Variants in RIMBP2 observed in about 807,000 individuals in gnomAD.
The protein encoded by RIMBP2 is RIMS-binding protein 2.
RIMBP2 carries 48 observed loss-of-function variants against 118.6 expected under a neutral mutation model. That is an observed-to-expected ratio of 0.40 (90% confidence interval 0.32 to 0.51). The LOEUF (loss-of-function observed/expected upper bound fraction) is 0.51. Among genes scored for constraint, RIMBP2 ranks in the 20% least tolerant of loss-of-function variants. RIMBP2 has a pLI of 0.41. For missense variants in RIMBP2, 1,551 were observed against 1,768.3 expected (o/e 0.88, Z 2.20); for synonymous variants, 762 against 742.9 (o/e 1.03, Z -0.42).
At position 130,480,177 on chromosome 12, in the gene RIMBP2, TTTCA is replaced by T. The variant is rs2081839279; in HGVS notation, c.-3-1165_-3-1162del. On this transcript the variant is annotated intron_variant, in intron 4 of 22. Coordinates refer to ENST00000690449, the MANE Select transcript of RIMBP2 (RefSeq NM_001393629.1). ...GAAAACCAGCTGCAAAATGCTAGAA[TTTCA>T]TTGTCATTTCCTTTCATACACACAC... is the stretch of plus-strand genomic sequence containing the variant. Among the ~76,000 whole-genome samples, 4 of 146,298 alleles carry T rather than the reference TTTCA, an allele frequency of 2.7e-5. No individual in the cohort carries two copies. In the Admixed American group the frequency reaches 2.8e-4, roughly 10 times the overall value.
At chr12:130,556,296 A>T (rs2056350824) in intron 2 of RIMBP2, among the ~76,000 whole-genome samples, 1 of 152,196 alleles carries the variant, frequency 6.6e-6, no homozygotes, top group African/African-American at 2.4e-5. Context: ...TGCATAGGAT[A>T]AATTCATATC....
chr12:130,578,362 T>C lies in RIMBP2; in HGVS notation c.-217+49960A>G, dbSNP rs2058233003. ...GGATGGCTGCTGCTCTGCCCTAGAA[T>C]CCAACATGGCTCCCAGCTGCCAGCA... On this transcript the variant is annotated intron_variant, in intron 2 of 22. Coordinates refer to ENST00000690449, the MANE Select transcript of RIMBP2 (RefSeq NM_001393629.1). The surrounding 1 kb of genome is among the most constrained non-coding windows in gnomAD (Gnocchi z 4.1). 6.6e-6 allele frequency among the ~76,000 whole-genome samples: 1 copy of C among 152,176 alleles called. No homozygotes were observed. Among genetic ancestry groups the C allele is most frequent in the Non-Finnish European group, 1.5e-5 (1 of 68,036 alleles).
intron 7 of RIMBP2, 76 bp downstream of exon 7, chr12:130,456,420 C>T: frequency 7.4e-7 from 1 of 1,349,394 alleles, no homozygotes; most frequent in Non-Finnish European, 1.0e-6. Context: ...ACCGATTTCA[C>T]CTGTGCACAC....
At chr12:130,705,689 T>C (rs1423953438) in intron 1 of RIMBP2, among the ~76,000 whole-genome samples, 13 of 152,242 alleles carry the variant, frequency 8.5e-5, no homozygotes, top group Admixed American at 7.8e-4. Flanking sequence ...ACACTGGGTA[T>C]GGCAGGAGTG....
At chr12:130,564,431 T>C (rs1339530334) in intron 2 of RIMBP2, among the ~76,000 whole-genome samples, 4 of 152,178 alleles carry the variant, frequency 2.6e-5, no homozygotes, top group Non-Finnish European at 5.9e-5. Context: ...TACAATTAAC[T>C]ATTTTAGAGT....
chr12:130,402,756 C>T (rs1347246822), intron 21 of RIMBP2, among the ~76,000 whole-genome samples: 2 of 152,076 alleles, frequency 1.3e-5, no homozygotes, highest in Non-Finnish European at 2.9e-5. Context: ...TCTCTGTGCC[C>T]CAGTCAGTGA....
At chr12:130,543,292 C>T (rs1450780457) in intron 2 of RIMBP2, among the ~76,000 whole-genome samples, 1 of 152,138 alleles carries the variant, frequency 6.6e-6, no homozygotes, top group Non-Finnish European at 1.5e-5. Flanking sequence ...TAGCCCTTGA[C>T]ATTTTTCATA....
chr12:130,403,398 T>C (rs7977580), intron 21 of RIMBP2, among the ~76,000 whole-genome samples: 143,438 of 152,256 alleles, frequency 0.94, 68,151 homozygotes, highest in East Asian at 1. Context: ...ACTAAGAAGA[T>C]AAAACATAAC....
chr12:130,402,565 T>G (rs2074725075), intron 21 of RIMBP2, among the ~76,000 whole-genome samples: 1 of 152,124 alleles, frequency 6.6e-6, no homozygotes, highest in Non-Finnish European at 1.5e-5. Context: ...CTAAAAAAAT[T>G]TCACCTTGAC....
At chr12:130,675,452 C>T (rs565187795) in intron 1 of RIMBP2, among the ~76,000 whole-genome samples, 7 of 152,320 alleles carry the variant, frequency 4.6e-5, no homozygotes, top group African/African-American at 1.4e-4. Context: ...AAATCTGTCC[C>T]TGCTGGGTTC....
intron 2 of RIMBP2, among the ~76,000 whole-genome samples, chr12:130,616,424 C>T (rs1384261627): frequency 1.3e-5 from 2 of 152,172 alleles, no homozygotes; most frequent in Non-Finnish European, 2.9e-5. Flanking sequence ...CTGGCTCGGG[C>T]CAGTGCGGAA....
At chr12:130,438,335 A>ACCGGCCCCCCCCCCCC in intron 12 of RIMBP2, 30 bp downstream of exon 12, 1 of 865,014 alleles carries the variant, frequency 1.2e-6, no homozygotes, top group Non-Finnish European at 1.9e-6. Context: ...GGCCTAACAA[A>ACCGGCCCCCCCCCCCC]CCCTCCCCAC....
At position 130,621,770 on chromosome 12, in the gene RIMBP2, CA is replaced by C. The variant is rs1420337707; in HGVS notation, c.-217+6551del. ...GCTGGAAGTGTGACTATTTCCTCGACATTTCCAAAACTCTTGCCAAACACAT... is the reference window on the plus strand; with the variant it reads ...GCTGGAAGTGTGACTATTTCCTCGACTTTCCAAAACTCTTGCCAAACACAT... On this transcript the variant is annotated intron_variant, in intron 2 of 22. Coordinates refer to ENST00000690449, the MANE Select transcript of RIMBP2 (RefSeq NM_001393629.1). This position sits in a 1 kb window ranked among gnomAD's most constrained non-coding sequence, Gnocchi z 6.6. 6.6e-6 allele frequency among the ~76,000 whole-genome samples: 1 copy of C among 152,130 alleles called. No individual in the cohort carries two copies. Among genetic ancestry groups the C allele is most frequent in the Non-Finnish European group, 1.5e-5 (1 of 68,020 alleles).
At chr12:130,505,589 C>G (rs1212161117) in intron 4 of RIMBP2, among the ~76,000 whole-genome samples, 2 of 86,554 alleles carry the variant, frequency 2.3e-5, no homozygotes, top group Non-Finnish European at 4.7e-5. Context: ...ACTCCTCATC[C>G]CCAACCCCCA....
At chr12:130,467,978 C>T (rs966484029) in intron 6 of RIMBP2, among the ~76,000 whole-genome samples, 15 of 152,168 alleles carry the variant, frequency 9.9e-5, no homozygotes, top group Admixed American at 2.6e-4. Context: ...CCTATCTAGG[C>T]GCCCTCTATT....
intron 1 of RIMBP2, among the ~76,000 whole-genome samples, chr12:130,673,988 C>CGCACCTGTAATCCCA (rs2064321029): frequency 6.6e-6 from 1 of 150,974 alleles, no homozygotes; most frequent in Non-Finnish European, 1.5e-5. Context: ...TGGCGTAGCA[C>CGCACCTGTAATCCCA]GCACCTGTAA....
chr12:130,521,148 G>A (rs1297533165), intron 2 of RIMBP2, among the ~76,000 whole-genome samples: 1 of 152,216 alleles, frequency 6.6e-6, no homozygotes, highest in Non-Finnish European at 1.5e-5. Context: ...GCTTAACCTG[G>A]AAGGCCTCAT....
intron 6 of RIMBP2, among the ~76,000 whole-genome samples, chr12:130,461,565 A>C (rs1017389681): frequency 4.6e-5 from 7 of 152,152 alleles, no homozygotes; most frequent in Non-Finnish European, 8.8e-5. Flanking sequence ...CGTCCCCTCC[A>C]CATCTCATGT....
intron 2 of RIMBP2, among the ~76,000 whole-genome samples, chr12:130,609,452 AGAG>A (rs748690017): frequency 3.0e-5 from 4 of 131,514 alleles, no homozygotes; most frequent in Non-Finnish European, 6.9e-5. Flanking sequence ...CCCGACCCCC[AGAG>A]GAGAACTGAG....
Sources: allele counts gnomAD v4.1 joint callset (sites outside exome capture counted in the v4.1 genomes callset), GRCh38; gene constraint gnomAD v4.1.1; non-coding constraint Gnocchi (gnomAD v3.1); transcripts MANE v1.5; gene names NCBI Gene and HGNC (gene_info 2026-07-23, HGNC 2026-07-21).